The following CCSER1 variants were observed in gnomAD, a reference collection of about 807,000 sequenced individuals.
The protein encoded by CCSER1 is coiled-coil serine rich protein 1, also known as serine-rich coiled-coil domain-containing protein 1.
CCSER1 carries 41 observed loss-of-function variants against 82.0 expected under a neutral mutation model. The observed-to-expected ratio is 0.50, with a 90% CI of 0.39 to 0.65. The LOEUF (loss-of-function observed/expected upper bound fraction) is 0.65, where lower values mean the gene tolerates loss of function less well. Among genes scored for constraint, CCSER1 ranks in the 30% least tolerant of loss-of-function variants. CCSER1 has a pLI of 0.00. For missense variants in CCSER1, 1,119 were observed against 1,064.2 expected (o/e 1.05, Z -0.72); for synonymous variants, 414 against 383.9 (o/e 1.08, Z -0.92).
chr4:90,559,243 CT>C (rs533845746), intron 5 of CCSER1, among the ~76,000 whole-genome samples: 2 of 152,228 alleles, frequency 1.3e-5, no homozygotes, highest in African/African-American at 2.4e-5. Flanking sequence ...TTGCTCCCTA[CT>C]TTTTTTATAG....
chr4:90,273,847 C>T (rs570542051), intron 1 of CCSER1, among the ~76,000 whole-genome samples: 1 of 152,064 alleles, frequency 6.6e-6, no homozygotes, highest in Non-Finnish European at 1.5e-5. Context: ...GAAAGAAGCA[C>T]CTGTGCATTC....
intron 10 of CCSER1, among the ~76,000 whole-genome samples, chr4:91,296,149 A>G (rs1020448992): frequency 1.3e-5 from 2 of 151,828 alleles, no homozygotes; most frequent in African/African-American, 4.8e-5. Context: ...CAAAGTAATC[A>G]TAAGTGAAGT....
chr4:90,648,469 A>G lies in CCSER1; in HGVS notation c.1932+20237A>G, dbSNP rs1432085294. Reference sequence around the variant, plus strand: ...AGAGTTTCTAAGAAAACCAGTTGTTATGGAATGAATTGTATGTCCCCAAAA... The same window carrying G: ...AGAGTTTCTAAGAAAACCAGTTGTTGTGGAATGAATTGTATGTCCCCAAAA... On this transcript the variant is annotated intron_variant, in intron 6 of 10. Coordinates refer to ENST00000509176, the MANE Select transcript of CCSER1 (RefSeq NM_001145065.2). 2.1e-5 allele frequency among the ~76,000 whole-genome samples: 3 copies of G among 141,674 alleles called. No homozygotes were observed. In the Admixed American group the frequency reaches 2.1e-4, roughly 10 times the overall value. 92.9% of individuals were successfully genotyped at this position (141,674 alleles called of 152,430 possible).
At chr4:91,149,002 C>T (rs1056465405) in intron 10 of CCSER1, among the ~76,000 whole-genome samples, 8 of 114,576 alleles carry the variant, frequency 7.0e-5, no homozygotes, top group African/African-American at 2.5e-4. Flanking sequence ...ATATACCCAG[C>T]AGTGGGATGG....
At chr4:90,942,624 T>A (rs1731728665) in intron 9 of CCSER1, among the ~76,000 whole-genome samples, 1 of 151,884 alleles carries the variant, frequency 6.6e-6, no homozygotes, top group East Asian at 1.9e-4. Context: ...CACACACTTT[T>A]ATGGGAAATG....
In CCSER1 at chr4:90,768,199, G is replaced by A. The variant is rs147485769; in HGVS notation, c.2010+44208G>A. The stretch of plus-strand genomic sequence containing the variant: ...GGGAGAAGCCAGTACTGTGTCATAA[G>A]GTCACCCTGTGGAGAGGTCCAAATG... On this transcript the variant is annotated intron_variant, in intron 7 of 10. Transcript: ENST00000509176. Among the ~76,000 whole-genome samples the A allele has an allele frequency of 1.1e-3, 161 of 152,292 alleles. 3 individuals carry two copies. In the East Asian group the frequency reaches 0.024, roughly 23 times the overall value.
At chr4:90,473,304 A>G (rs1481789399) in intron 5 of CCSER1, among the ~76,000 whole-genome samples, 1 of 152,216 alleles carries the variant, frequency 6.6e-6, no homozygotes, top group Non-Finnish European at 1.5e-5. Flanking sequence ...TGACCATTGT[A>G]AAGTTAGAAA....
chr4:91,337,627 T>C (rs1278088299), intron 10 of CCSER1, among the ~76,000 whole-genome samples: 1 of 152,084 alleles, frequency 6.6e-6, no homozygotes, highest in Admixed American at 6.6e-5. Flanking sequence ...GGAGTATTTC[T>C]GGGCCTGATT....
At chr4:91,465,093 G>A (rs1055885923) in intron 10 of CCSER1, among the ~76,000 whole-genome samples, 11 of 152,058 alleles carry the variant, frequency 7.2e-5, no homozygotes, top group East Asian at 1.9e-4. Context: ...AAAATTGACC[G>A]CATAGTCGGA....
chr4:91,416,025 C>T (rs1400367312), intron 10 of CCSER1, among the ~76,000 whole-genome samples: 1 of 151,992 alleles, frequency 6.6e-6, no homozygotes, highest in African/African-American at 2.4e-5. Flanking sequence ...TCCATCTTGT[C>T]CTGGTCTTTT....
At chr4:91,358,390 C>CA (rs1200591995) in intron 10 of CCSER1, among the ~76,000 whole-genome samples, 3 of 67,666 alleles carry the variant, frequency 4.4e-5, no homozygotes, top group African/African-American at 1.4e-4. Context: ...GCCTGACCCA[C>CA]GTTGTTTTTT....
intron 1 of CCSER1, among the ~76,000 whole-genome samples, chr4:90,138,305 C>T (rs1433096830): frequency 6.6e-6 from 1 of 152,148 alleles, no homozygotes; most frequent in African/African-American, 2.4e-5. Flanking sequence ...GATCCTCTCA[C>T]TTATGCCTCC....
At chr4:90,387,851 C>T (rs1750301360) in intron 3 of CCSER1, among the ~76,000 whole-genome samples, 1 of 152,132 alleles carries the variant, frequency 6.6e-6, no homozygotes, top group Non-Finnish European at 1.5e-5. Context: ...TATCTGTACC[C>T]TACCTCCATA....
chr4:91,229,845 G>C (rs1273345010), intron 10 of CCSER1, among the ~76,000 whole-genome samples: 2 of 152,172 alleles, frequency 1.3e-5, no homozygotes, highest in East Asian at 3.9e-4. Flanking sequence ...GGGTTGAGGG[G>C]AAAAGGGAGG....
chr4:90,887,276 G>A (rs1250726044), intron 8 of CCSER1, among the ~76,000 whole-genome samples: 2 of 152,086 alleles, frequency 1.3e-5, no homozygotes, highest in Non-Finnish European at 2.9e-5. Context: ...TTTTTGAGAA[G>A]AGTGTGGGGA....
intron 6 of CCSER1, chr4:90,649,679 G>A (rs1461907238): frequency 6.6e-6 from 1 of 152,152 alleles, no homozygotes; most frequent in Non-Finnish European, 1.5e-5. Context: ...TTTTGTTATA[G>A]CAGCCCAAAC....
intron 3 of CCSER1, among the ~76,000 whole-genome samples, chr4:90,383,302 A>AATTATAGATAG (rs1749504715): frequency 6.6e-6 from 1 of 152,204 alleles, no homozygotes; most frequent in Non-Finnish European, 1.5e-5. Flanking sequence ...ATACAAAAGG[A>AATTATAGATAG]ATTATAGATA....
intron 9 of CCSER1, among the ~76,000 whole-genome samples, chr4:91,079,311 A>G (rs534270573): frequency 3.2e-4 from 49 of 152,338 alleles, no homozygotes; most frequent in African/African-American, 1.1e-3. Flanking sequence ...AGAATTTCAT[A>G]TTCAGCCAAA....
intron 9 of CCSER1, among the ~76,000 whole-genome samples, chr4:90,993,308 CCTG>C (rs1308379111): frequency 6.6e-6 from 1 of 151,908 alleles, no homozygotes; most frequent in Non-Finnish European, 1.5e-5. Flanking sequence ...GGGACACAAA[CCTG>C]AGATTGTGAT....
Sources: allele counts gnomAD v4.1 joint callset (sites outside exome capture counted in the v4.1 genomes callset), GRCh38; gene constraint gnomAD v4.1.1; transcripts MANE v1.5; gene names NCBI Gene and HGNC (gene_info 2026-07-23, HGNC 2026-07-21).